CBLB: variants seen among roughly 807,000 people sequenced by gnomAD.
The protein encoded by CBLB is Cbl proto-oncogene B, also known as E3 ubiquitin-protein ligase CBL-B.
In CBLB, 31 loss-of-function variants were observed where a neutral mutation model predicts 104.9. The ratio of observed to expected loss-of-function variants is 0.30; its 90% CI spans 0.22 to 0.40. The LOEUF (loss-of-function observed/expected upper bound fraction) is 0.40. Among genes scored for constraint, CBLB ranks in the 10% least tolerant of loss-of-function variants. CBLB has a pLI of 1.00. For missense variants in CBLB, 1,062 were observed against 1,214.6 expected (o/e 0.87, Z 1.87); for synonymous variants, 440 against 422.6 (o/e 1.04, Z -0.51).
intron 10 of CBLB, among the ~76,000 whole-genome samples, chr3:105,706,089 C>G (rs1383883897): frequency 6.6e-6 from 1 of 152,028 alleles, no homozygotes; most frequent in Non-Finnish European, 1.5e-5. Flanking sequence ...CTACAGTAAG[C>G]TATAATCGTA....
chr3:105,682,462 G>A (rs2066430728), intron 14 of CBLB, among the ~76,000 whole-genome samples: 1 of 152,100 alleles, frequency 6.6e-6, no homozygotes, highest in Admixed American at 6.6e-5. Context: ...TTTTTAATGT[G>A]TTTGTAAAGG....
At chr3:105,776,817 T>C (rs2079536645) in intron 3 of CBLB, among the ~76,000 whole-genome samples, 3 of 151,976 alleles carry the variant, frequency 2.0e-5, no homozygotes, top group Admixed American at 6.6e-5. Flanking sequence ...TTCACTGAGC[T>C]CACAGATTAA....
intron 3 of CBLB, among the ~76,000 whole-genome samples, chr3:105,796,584 G>C (rs567360471): frequency 6.6e-6 from 1 of 152,088 alleles, no homozygotes; most frequent in Non-Finnish European, 1.5e-5. Flanking sequence ...AATAAAAATT[G>C]ACAAATGGGA....
chr3:105,868,025 A>T (rs1297254163), intron 1 of CBLB: 1 of 484,082 alleles, frequency 2.1e-6, no homozygotes, highest in Non-Finnish European at 3.5e-6. Context: ...CCTTACGCAG[A>T]AACTTCACTT....
chr3:105,678,366 G>A (rs552374355), intron 17 of CBLB, 65 bp downstream of exon 17: 2 of 1,462,538 alleles, frequency 1.4e-6, no homozygotes, highest in African/African-American at 2.8e-5. Flanking sequence ...ACATTTATTT[G>A]ATAGTATGGT....
intron 17 of CBLB, among the ~76,000 whole-genome samples, chr3:105,676,720 T>A (rs1413023139): frequency 1.3e-5 from 2 of 152,202 alleles, no homozygotes; most frequent in African/African-American, 4.8e-5. Flanking sequence ...ATGATATGGT[T>A]TGGCTCTGTG....
intron 16 of CBLB, chr3:105,680,890 C>T (rs984804611): frequency 6.5e-6 from 1 of 152,940 alleles, no homozygotes; most frequent in African/African-American, 2.4e-5. Context: ...CAGCCAACTT[C>T]AACATATACA....
intron 11 of CBLB, among the ~76,000 whole-genome samples, chr3:105,702,680 AG>A (rs2069406569): frequency 6.6e-6 from 1 of 152,102 alleles, no homozygotes; most frequent in Non-Finnish European, 1.5e-5. Flanking sequence ...ATTAGGAAAA[AG>A]TAGAAATGAG....
intron 3 of CBLB, among the ~76,000 whole-genome samples, chr3:105,834,189 T>C (rs1017615507): frequency 1.4e-4 from 21 of 151,878 alleles, no homozygotes; most frequent in African/African-American, 4.8e-4. Flanking sequence ...CAATGTACTG[T>C]ATATTGAAAA....
chr3:105,779,916 T>A (rs904280048), intron 3 of CBLB, among the ~76,000 whole-genome samples: 2 of 151,364 alleles, frequency 1.3e-5, no homozygotes, highest in Non-Finnish European at 1.5e-5. Context: ...TGCAATGGTG[T>A]GATCTCGGCT....
intron 6 of CBLB, among the ~76,000 whole-genome samples, chr3:105,741,169 G>T (rs1162110097): frequency 9.5e-6 from 1 of 104,902 alleles, no homozygotes; most frequent in Admixed American, 1.3e-4. Flanking sequence ...ATATTCCTTT[G>T]TAATTTAGAC....
At chr3:105,681,839 A>C (rs2066358196) in intron 14 of CBLB, 21 bp from the exon 15 acceptor site, 9 of 1,370,560 alleles carry the variant, frequency 6.6e-6, no homozygotes, top group Middle Eastern at 3.9e-4. Flanking sequence ...GTTCAGAGTA[A>C]AATTATATAA....
intron 3 of CBLB, among the ~76,000 whole-genome samples, chr3:105,776,803 T>C (rs553515603): frequency 1.3e-5 from 2 of 152,092 alleles, no homozygotes; most frequent in Admixed American, 1.3e-4. Context: ...ATAAATTACA[T>C]AATTTCACTG....
chr3:105,855,813 A>G (rs2091530506), intron 2 of CBLB, among the ~76,000 whole-genome samples: 1 of 152,080 alleles, frequency 6.6e-6, no homozygotes, highest in Non-Finnish European at 1.5e-5. Flanking sequence ...TTCTCATTCT[A>G]AAAAAAATTC....
intron 3 of CBLB, among the ~76,000 whole-genome samples, chr3:105,822,292 G>A (rs552864537): frequency 2.6e-5 from 4 of 152,270 alleles, no homozygotes; most frequent in African/African-American, 9.6e-5. Context: ...GAATGTGAAA[G>A]AAATAAAATG....
At chr3:105,805,668 C>T (rs1455428602) in intron 3 of CBLB, among the ~76,000 whole-genome samples, 5 of 152,108 alleles carry the variant, frequency 3.3e-5, no homozygotes, top group African/African-American at 7.2e-5. Flanking sequence ...ATTAAAAACC[C>T]TTTACATGTC....
chr3:105,827,039 A>T (rs2086688374), intron 3 of CBLB, among the ~76,000 whole-genome samples: 1 of 152,184 alleles, frequency 6.6e-6, no homozygotes, highest in South Asian at 2.1e-4. Context: ...AGGGCTTTGA[A>T]AGGAAACCAA....
At chr3:105,853,292 A>T in intron 3 of CBLB, 122 bp downstream of exon 3, 1 of 932,068 alleles carries the variant, frequency 1.1e-6, no homozygotes, top group Non-Finnish European at 1.8e-6. Flanking sequence ...GTACCACATG[A>T]CTATATACAA....
intron 2 of CBLB, among the ~76,000 whole-genome samples, chr3:105,856,175 C>A (rs2091575404): frequency 6.6e-6 from 1 of 151,780 alleles, no homozygotes; most frequent in South Asian, 2.1e-4. Flanking sequence ...CATGGTGAAA[C>A]CCTGTCTCTA....
Sources: gnomAD v4.1 joint callset for allele counts (sites outside exome capture counted in the v4.1 genomes callset) on GRCh38, gnomAD v4.1.1 for gene constraint, MANE v1.5 for transcripts, NCBI Gene and HGNC (gene_info 2026-07-23, HGNC 2026-07-21) for gene names.